The following SPECC1 variants were observed in gnomAD, a reference collection of about 807,000 sequenced individuals.
SPECC1 encodes cytospin-B.
In SPECC1, 62 loss-of-function variants were observed where a neutral mutation model predicts 104.1. The observed-to-expected ratio is 0.60, with a 90% confidence interval of 0.49 to 0.74. The LOEUF is 0.74. SPECC1 is among the 30% of genes least tolerant of loss of function. The pLI is 0.00. For synonymous variants in SPECC1, 513 were observed against 501.6 expected, an observed-to-expected ratio of 1.02 and a Z score of -0.30; for missense variants, 1,306 against 1,310.5, an observed-to-expected ratio of 1.00 and a Z score of 0.05.
intron 4 of SPECC1, among the ~76,000 whole-genome samples, chr17:20,219,271 A>G (rs2037709399): frequency 6.6e-6 from 1 of 152,186 alleles, no homozygotes; most frequent in South Asian, 2.1e-4. Flanking sequence ...TCCCGCCAAC[A>G]GTGTACAAGG....
At chr17:20,308,389 C>CA (rs3072413) in intron 14 of SPECC1, among the ~76,000 whole-genome samples, 3,675 of 66,446 alleles carry the variant, frequency 0.055, 225 homozygotes, top group Non-Finnish European at 0.07. Flanking sequence ...AACTCCATCT[C>CA]AAAAAAAAAA....
chr17:20,057,357 C>T (rs999653762), intron 1 of SPECC1, among the ~76,000 whole-genome samples: 7 of 152,224 alleles, frequency 4.6e-5, no homozygotes, highest in South Asian at 4.1e-4. Flanking sequence ...AGGAGAATGG[C>T]GTGAACCCGG....
intron 3 of SPECC1, among the ~76,000 whole-genome samples, chr17:20,190,186 T>C (rs978082277): frequency 1.2e-4 from 18 of 152,204 alleles, no homozygotes; most frequent in African/African-American, 4.3e-4. Context: ...ATCTGCTTGC[T>C]GAATTGCCTC....
At chr17:20,103,958 C>T (rs2048064249) in intron 2 of SPECC1, among the ~76,000 whole-genome samples, 1 of 152,190 alleles carries the variant, frequency 6.6e-6, no homozygotes, top group African/African-American at 2.4e-5. Flanking sequence ...CCACCCTCTG[C>T]TCAGGACCCA....
intron 1 of SPECC1, among the ~76,000 whole-genome samples, chr17:20,076,168 G>A (rs1295830891): frequency 6.6e-6 from 1 of 152,066 alleles, no homozygotes; most frequent in Non-Finnish European, 1.5e-5. Flanking sequence ...TATAGCATAA[G>A]GCTTTAAAAT....
chr17:20,309,953 G>A (rs920859364), intron 14 of SPECC1, among the ~76,000 whole-genome samples: 1 of 151,744 alleles, frequency 6.6e-6, no homozygotes, highest in Admixed American at 6.6e-5. Flanking sequence ...GAGTAGCTGG[G>A]ATTATAGGCA....
chr17:20,023,584 G>C (rs1567798755), intron 1 of SPECC1, among the ~76,000 whole-genome samples: 1 of 152,144 alleles, frequency 6.6e-6, no homozygotes, highest in East Asian at 1.9e-4. Flanking sequence ...ATGTCTAAAT[G>C]AAGGGGGAAG....
At chr17:20,080,626 G>A (rs1047512722) in intron 1 of SPECC1, among the ~76,000 whole-genome samples, 3 of 152,066 alleles carry the variant, frequency 2.0e-5, no homozygotes, top group Admixed American at 6.5e-5. Context: ...TGAGACTCTC[G>A]TGGGGAGGGT....
chr17:20,227,300 A>T (rs530459301), intron 4 of SPECC1, 113 bp from the exon 5 acceptor site: 1 of 831,050 alleles, frequency 1.2e-6, no homozygotes, highest in East Asian at 2.7e-5. Context: ...GTTCATGTTC[A>T]GGTTTGTTAC....
intron 14 of SPECC1, among the ~76,000 whole-genome samples, chr17:20,313,615 T>C (rs8071274): frequency 0.44 from 66,356 of 151,998 alleles, 15,028 homozygotes; most frequent in East Asian, 0.79. Context: ...GTGCTGGGAG[T>C]CTGGGGAATT....
chr17:20,040,486 C>T (rs544746103), intron 1 of SPECC1, among the ~76,000 whole-genome samples: 2 of 152,130 alleles, frequency 1.3e-5, no homozygotes, highest in African/African-American at 2.4e-5. Flanking sequence ...CATGATCTTC[C>T]TTTTGCCATT....
chr17:20,215,020 C>G (rs1231092489), intron 4 of SPECC1, among the ~76,000 whole-genome samples: 1 of 152,232 alleles, frequency 6.6e-6, no homozygotes, highest in African/African-American at 2.4e-5. Flanking sequence ...CTGGAGCTAA[C>G]AAGGATACCC....
At chr17:20,067,926 C>T (rs2046415624) in intron 1 of SPECC1, among the ~76,000 whole-genome samples, 1 of 152,182 alleles carries the variant, frequency 6.6e-6, no homozygotes, top group African/African-American at 2.4e-5. Flanking sequence ...GTGAATTCCC[C>T]TCTTCTGGAC....
chr17:20,127,622 A>G (rs897027564), intron 3 of SPECC1, among the ~76,000 whole-genome samples: 1 of 152,004 alleles, frequency 6.6e-6, no homozygotes, highest in Non-Finnish European at 1.5e-5. Flanking sequence ...CATATCATTT[A>G]CGCTCTGTCG....
chr17:20,217,868 C>A (rs2037604211), intron 4 of SPECC1, among the ~76,000 whole-genome samples: 2 of 151,694 alleles, frequency 1.3e-5, no homozygotes, highest in African/African-American at 4.9e-5. Flanking sequence ...CAAGACCCCA[C>A]CTATAAAAAA....
intron 4 of SPECC1, among the ~76,000 whole-genome samples, chr17:20,211,019 A>G (rs1015409281): frequency 3.3e-5 from 5 of 152,288 alleles, no homozygotes; most frequent in Non-Finnish European, 7.4e-5. Context: ...GCCCTGTCCC[A>G]TGGAACTTCA....
At chr17:20,037,788 TA>T (rs1174307472) in intron 1 of SPECC1, among the ~76,000 whole-genome samples, 2 of 152,204 alleles carry the variant, frequency 1.3e-5, no homozygotes, top group African/African-American at 2.4e-5. Context: ...TTTCTGAAGA[TA>T]TTTTTCACAG....
chr17:20,255,931 G>T (rs959843993), intron 10 of SPECC1, among the ~76,000 whole-genome samples: 1 of 151,720 alleles, frequency 6.6e-6, no homozygotes, highest in East Asian at 1.9e-4. Flanking sequence ...AGGCTGGAGT[G>T]CAGTGGCGTG....
chr17:20,156,277 C>T (rs1421499365), intron 3 of SPECC1: 3 of 1,286,542 alleles, frequency 2.3e-6, no homozygotes, highest in Admixed American at 5.2e-5. Flanking sequence ...GCCGCAACCC[C>T]ACCCCCCCTC....
Sources: allele counts gnomAD v4.1 joint callset (sites outside exome capture counted in the v4.1 genomes callset), GRCh38; gene constraint gnomAD v4.1.1; transcripts MANE v1.5; gene names NCBI Gene and HGNC (gene_info 2026-07-23, HGNC 2026-07-21).